CBFA2T2: variants seen among roughly 807,000 people sequenced by gnomAD.
The protein encoded by CBFA2T2 is protein CBFA2T2.
In CBFA2T2, 11 loss-of-function variants were observed where a neutral mutation model predicts 62.2. The ratio of observed to expected loss-of-function variants is 0.18; its 90% CI spans 0.11 to 0.29. CBFA2T2 has a LOEUF of 0.29. Among genes scored for constraint, CBFA2T2 ranks in the 10% least tolerant of loss-of-function variants. CBFA2T2 has a pLI of 1.00. For missense variants in CBFA2T2, 592 were observed against 774.1 expected (o/e 0.76, Z 2.79); for synonymous variants, 295 against 287.5 (o/e 1.03, Z -0.27).
chr20:33,573,521 G>T (rs2013667590), intron 1 of CBFA2T2, among the ~76,000 whole-genome samples: 1 of 150,160 alleles, frequency 6.7e-6, no homozygotes, highest in Admixed American at 6.7e-5. Context: ...TCGCTCTATC[G>T]CCCAGGCTGA....
At chr20:33,581,003 C>CT (rs1383965585) in intron 1 of CBFA2T2, among the ~76,000 whole-genome samples, 1 of 152,028 alleles carries the variant, frequency 6.6e-6, no homozygotes, top group East Asian at 1.9e-4. Flanking sequence ...TCTGCCCTCC[C>CT]TTCCCCTCCC....
Position 33,644,399 on chromosome 20 carries a change from T to C in CBFA2T2, c.1541T>C (p.Ile514Thr). 1.2e-6 allele frequency: 2 copies of C among 1,614,128 alleles called. No individual in the cohort carries two copies. The highest frequency in any genetic ancestry group is 1.7e-6 in the Non-Finnish European group (2 of 1,179,994). Residue 514 changes from isoleucine to threonine, a missense_variant, in exon 11 of 11, where the codon ATC becomes ACC. Physicochemically the swap from Ile to Thr is moderately conservative, Grantham distance 89. Coordinates refer to ENST00000342704, the MANE Select transcript of CBFA2T2 (RefSeq NM_001032999.3). ...KASETCSGCN[I>T]ARYCGSFCQH... The stretch of plus-strand genomic sequence containing the variant: ...AGCGAGACATGCAGTGGCTGCAATA[T>C]CGCGCGATACTGTGGCTCTTTCTGC...
chr20:33,520,199 T>C (rs1292528923), intron 1 of CBFA2T2, among the ~76,000 whole-genome samples: 2 of 152,018 alleles, frequency 1.3e-5, no homozygotes. Flanking sequence ...AAAAACTATT[T>C]TGATATAGCA....
intron 1 of CBFA2T2, among the ~76,000 whole-genome samples, chr20:33,589,844 A>G (rs1486973327): frequency 6.6e-6 from 1 of 152,204 alleles, no homozygotes; most frequent in African/African-American, 2.4e-5. Context: ...TTATTTTTTA[A>G]AAAAGAAACA....
intron 2 of CBFA2T2, among the ~76,000 whole-genome samples, chr20:33,607,815 G>A (rs555400579): frequency 1.3e-5 from 2 of 152,184 alleles, no homozygotes; most frequent in East Asian, 3.9e-4. Context: ...AGGTACAAGG[G>A]GTAAGACTTC....
At chr20:33,507,496 T>G (rs997158987) in intron 1 of CBFA2T2, among the ~76,000 whole-genome samples, 3 of 152,194 alleles carry the variant, frequency 2.0e-5, no homozygotes, top group African/African-American at 7.2e-5. Context: ...TGGCTATGTA[T>G]TTAGCTAATT....
chr20:33,549,053 C>T (rs1469141982), intron 1 of CBFA2T2, among the ~76,000 whole-genome samples: 4 of 152,224 alleles, frequency 2.6e-5, no homozygotes, highest in Admixed American at 1.3e-4. Context: ...AGTGAAACCA[C>T]GGGAGTTCTA....
chr20:33,636,802 T>C, intron 9 of CBFA2T2, 94 bp downstream of exon 9: 1 of 910,268 alleles, frequency 1.1e-6, no homozygotes, highest in South Asian at 1.4e-5. Flanking sequence ...CTGGGTCCTT[T>C]GGTTGTATAA....
At chr20:33,600,860 C>T (rs2015103196) in intron 1 of CBFA2T2, among the ~76,000 whole-genome samples, 1 of 152,088 alleles carries the variant, frequency 6.6e-6, no homozygotes, top group Admixed American at 6.6e-5. Context: ...TCTGGATCCT[C>T]AAAATCCAGG....
chr20:33,644,607 A>T lies in CBFA2T2; in HGVS notation c.1749A>T (p.Thr583=). The T allele has an allele frequency of 6.2e-7, 1 of 1,610,794 alleles. No homozygotes were observed. The highest frequency in any genetic ancestry group is 8.5e-7 in the Non-Finnish European group (1 of 1,177,366). Residue 583 remains threonine (T), a synonymous_variant, in exon 11 of 11, where the codon ACA becomes ACT. Coordinates refer to ENST00000342704, the MANE Select transcript of CBFA2T2 (RefSeq NM_001032999.3). ...KTSATTSRSS[T]PASVTAIDTN... is the part of the protein sequence containing the mutation. ...CGGCAACCACATCGCGTTCCTCAAC[A>T]CCTGCTTCTGTGACAGCTATCGACA...
Position 33,500,283 on chromosome 20 carries a change from C to T in CBFA2T2, c.34+9982C>T, listed in dbSNP as rs571263224. ...AACCCACTTTTTTTTAACCCTCTAT[C>T]GCATGGCTTCTTTTTGCTAGACTAG... On this transcript the variant is annotated intron_variant, in intron 1 of 10. Coordinates refer to ENST00000342704, the MANE Select transcript of CBFA2T2 (RefSeq NM_001032999.3). Among the ~76,000 whole-genome samples the T allele has an allele frequency of 5.3e-5, 8 of 152,066 alleles. No individual in the cohort carries two copies. The South Asian group carries it at 6.2e-4, about 12-fold the overall frequency.
chr20:33,594,583 G>A (rs2014808144), intron 1 of CBFA2T2, among the ~76,000 whole-genome samples: 1 of 152,138 alleles, frequency 6.6e-6, no homozygotes, highest in African/African-American at 2.4e-5. Context: ...TGTATCAAAT[G>A]CTGGAACCCA....
At chr20:33,602,762 G>A (rs1048798365) in intron 1 of CBFA2T2, among the ~76,000 whole-genome samples, 15 of 152,024 alleles carry the variant, frequency 9.9e-5, no homozygotes, top group African/African-American at 3.1e-4. Flanking sequence ...CTTTCCTTAC[G>A]AAGTCAAGAA....
rs757973025 is a variant in CBFA2T2 at position 33,490,236 on chromosome 20, A to AGGCGGGC, written c.-27_-21dup. 3.0e-3 allele frequency: 3,657 copies of AGGCGGGC among 1,224,410 alleles called. 89 individuals carry two copies. The African/African-American group carries it at 0.054, about 18-fold the overall frequency. The allele number at this position is 1,224,410 out of a possible 1,614,324, so 75.8% of individuals were successfully genotyped here. A position where few individuals can be genotyped will look rare whatever the true frequency, so the allele number is the denominator to read the frequency against. On this transcript the variant is annotated 5_prime_UTR_variant, in exon 1 of 11. Transcript: ENST00000342704. ...TGCGAGGGACCCGTGTCGCGGGTAG[A>AGGCGGGC]GGCGGGCGGCGCGCGGCGGCGGCGC...
intron 1 of CBFA2T2, chr20:33,562,772 C>T (rs2013136596): frequency 1.5e-6 from 1 of 678,014 alleles, no homozygotes; most frequent in Non-Finnish European, 1.8e-6. Flanking sequence ...ATGAATGTTT[C>T]TTGGTATTTG....
At chr20:33,643,944 G>T (rs1306926093) in intron 10 of CBFA2T2, among the ~76,000 whole-genome samples, 2 of 150,034 alleles carry the variant, frequency 1.3e-5, no homozygotes, top group Non-Finnish European at 3.0e-5. Flanking sequence ...TAACACATGT[G>T]GTCTTAGGAT....
chr20:33,521,256 G>C (rs1272838160), intron 1 of CBFA2T2, among the ~76,000 whole-genome samples: 1 of 152,062 alleles, frequency 6.6e-6, no homozygotes, highest in African/African-American at 2.4e-5. Context: ...GATGGCTAGG[G>C]AGTAATGAGC....
chr20:33,629,519 T>A (rs775200058), intron 7 of CBFA2T2, among the ~76,000 whole-genome samples, 200 bp from the exon 8 acceptor site: 54 of 152,244 alleles, frequency 3.5e-4, no homozygotes, highest in Non-Finnish European at 7.5e-4. Context: ...TTGTCCTCTT[T>A]AGGTATGTCA....
chr20:33,532,400 GA>G (rs1032770528), intron 1 of CBFA2T2, among the ~76,000 whole-genome samples: 78 of 152,292 alleles, frequency 5.1e-4, no homozygotes, highest in African/African-American at 1.3e-3. Context: ...GGTAGGGAAT[GA>G]TCTCTGAGAT....
Sources: gnomAD v4.1 joint callset for allele counts (sites outside exome capture counted in the v4.1 genomes callset) on GRCh38, gnomAD v4.1.1 for gene constraint, MANE v1.5 for transcripts, NCBI Gene and HGNC (gene_info 2026-07-23, HGNC 2026-07-21) for gene names.